Variants in EPHB1 observed in about 807,000 individuals in gnomAD.
The protein encoded by EPHB1 is EPH receptor B1.
Under a neutral mutation model 94.4 loss-of-function variants are expected in EPHB1, and 30 were observed. The observed-to-expected ratio is 0.32, with a 90% CI of 0.24 to 0.43. The LOEUF is 0.43. Among genes scored for constraint, EPHB1 ranks in the 20% least tolerant of loss-of-function variants. The pLI, the probability that EPHB1 is intolerant of heterozygous loss-of-function variation, is 1.00. For missense variants in EPHB1, 1,055 were observed against 1,308.3 expected, an observed-to-expected ratio of 0.81 and a Z score of 2.99; for synonymous variants, 522 against 489.1, an observed-to-expected ratio of 1.07 and a Z score of -0.89.
At chr3:135,141,247 G>T (rs966215988) in intron 5 of EPHB1, among the ~76,000 whole-genome samples, 3 of 150,370 alleles carry the variant, frequency 2.0e-5, no homozygotes, top group African/African-American at 7.3e-5. Context: ...CCCTAAGAGC[G>T]CATCTGCCCT....
At chr3:135,017,992 C>G (rs912193587) in intron 3 of EPHB1, among the ~76,000 whole-genome samples, 1 of 151,994 alleles carries the variant, frequency 6.6e-6, no homozygotes, top group Admixed American at 6.6e-5. Context: ...TGCACCATGC[C>G]TGGACTGTGA....
chr3:134,863,101 C>A (rs1578148023), intron 1 of EPHB1, among the ~76,000 whole-genome samples: 1 of 152,204 alleles, frequency 6.6e-6, no homozygotes, highest in African/African-American at 2.4e-5. Flanking sequence ...CTCTCATCTT[C>A]CCCCATGCCT....
chr3:134,890,162 A>G (rs1211829663), intron 1 of EPHB1, among the ~76,000 whole-genome samples: 1 of 152,126 alleles, frequency 6.6e-6, no homozygotes, highest in Non-Finnish European at 1.5e-5. Flanking sequence ...ACTGACTTTG[A>G]CGTTTTGTAT....
rs368399745 is a variant in EPHB1 at position 134,938,432 on chromosome 3, G to A, written c.123+12552G>A. ...CGTGCCCTGCTGGCCTTGCCCTCTA[G>A]TAGTGTGGCTGGACCTGAGCTAACC... is the stretch of plus-strand genomic sequence containing the variant. On this transcript the variant is annotated intron_variant, in intron 2 of 15. Transcript: ENST00000398015. Among the ~76,000 whole-genome samples, 14 of 152,350 alleles carry A rather than the reference G, an allele frequency of 9.2e-5. No homozygotes were observed. In the East Asian group the frequency reaches 1.7e-3, roughly 19 times the overall value.
chr3:135,038,079 C>T (rs184051789), intron 3 of EPHB1, among the ~76,000 whole-genome samples: 1 of 152,338 alleles, frequency 6.6e-6, no homozygotes, highest in Admixed American at 6.5e-5. Context: ...ACTATCCTCA[C>T]CAGAGTAAGG....
chr3:134,942,448 T>C (rs939928800), intron 2 of EPHB1, among the ~76,000 whole-genome samples: 2 of 152,152 alleles, frequency 1.3e-5, no homozygotes, highest in Non-Finnish European at 2.9e-5. Flanking sequence ...CCTCCTATGA[T>C]GAGGAGCAAA....
intron 3 of EPHB1, among the ~76,000 whole-genome samples, chr3:134,960,924 GCACAC>G (rs68105220): frequency 0.49 from 73,876 of 151,820 alleles, 18,661 homozygotes; most frequent in African/African-American, 0.6. Flanking sequence ...CTCTACATCA[GCACAC>G]CACACATTCC....
chr3:135,259,214 G>T lies in EPHB1; in HGVS notation c.*94G>T. ...ACTGTGGAATGTACTGGAGAGACTG[G>T]CTTCTCAGCTGAGGAATGCATTTCC... On this transcript the variant is annotated 3_prime_UTR_variant, in exon 16 of 16. Coordinates refer to ENST00000398015, the MANE Select transcript of EPHB1 (RefSeq NM_004441.5). 1.1e-6 allele frequency: 1 copy of T among 944,404 alleles called. No homozygotes were observed. Among genetic ancestry groups the T allele is most frequent in the Non-Finnish European group, 1.6e-6 (1 of 621,152 alleles). The allele number at this position is 944,404 out of a possible 1,614,324, so 58.5% of individuals were successfully genotyped here. A position where few individuals can be genotyped will look rare whatever the true frequency, so the allele number is the denominator to read the frequency against.
intron 1 of EPHB1, among the ~76,000 whole-genome samples, chr3:134,909,500 C>T (rs539280996): frequency 3.3e-5 from 5 of 152,292 alleles, no homozygotes; most frequent in Non-Finnish European, 7.3e-5. Flanking sequence ...GCGAGCCAGG[C>T]CCAGACTTAG....
Position 135,134,246 on chromosome 3 carries a change from A to T in EPHB1, c.1297+1197A>T, listed in dbSNP as rs867079204. ...CTTGTTAGTAGAATAGCAGGAGCCA[A>T]GCATCTATCTCTGCTCTCTCTTCCT... On this transcript the variant is annotated intron_variant, in intron 5 of 15. Coordinates refer to ENST00000398015, the MANE Select transcript of EPHB1 (RefSeq NM_004441.5). Among the ~76,000 whole-genome samples, 112 of 152,344 alleles carry T rather than the reference A, an allele frequency of 7.4e-4. 1 individual carries two copies. The highest frequency in any genetic ancestry group is 2.6e-3 in the African/African-American group (109 of 41,576).
intron 1 of EPHB1, among the ~76,000 whole-genome samples, chr3:134,853,615 T>A (rs1018821896): frequency 2.0e-5 from 3 of 152,164 alleles, no homozygotes; most frequent in Non-Finnish European, 4.4e-5. Flanking sequence ...GAGAAGGAGA[T>A]TGGATATATG....
chr3:135,210,231 C>G (rs144141112), intron 12 of EPHB1, among the ~76,000 whole-genome samples: 2 of 152,096 alleles, frequency 1.3e-5, no homozygotes, highest in Non-Finnish European at 2.9e-5. Flanking sequence ...TAGTCTGGAC[C>G]TTTTCATTGT....
intron 2 of EPHB1, among the ~76,000 whole-genome samples, chr3:134,931,199 C>T (rs1490252288): frequency 6.6e-6 from 1 of 152,206 alleles, no homozygotes; most frequent in Non-Finnish European, 1.5e-5. Flanking sequence ...GCACATGGAG[C>T]CACTTCTCCT....
At chr3:134,954,708 C>G (rs184193539) in intron 3 of EPHB1, among the ~76,000 whole-genome samples, 103 of 152,320 alleles carry the variant, frequency 6.8e-4, no homozygotes, top group Non-Finnish European at 1.3e-3. Context: ...AGAATAATCT[C>G]TCCGCTTCTG....
chr3:134,828,804 T>C (rs961106158), intron 1 of EPHB1, among the ~76,000 whole-genome samples: 1 of 152,186 alleles, frequency 6.6e-6, no homozygotes, highest in African/African-American at 2.4e-5. Flanking sequence ...AATCAGGGCA[T>C]AGACACCTGG....
At chr3:134,971,793 G>C (rs1360788648) in intron 3 of EPHB1, among the ~76,000 whole-genome samples, 1 of 152,136 alleles carries the variant, frequency 6.6e-6, no homozygotes, top group Non-Finnish European at 1.5e-5. Flanking sequence ...GTCACATACT[G>C]TTTGTTCTCA....
Position 135,233,036 on chromosome 3 carries a change from T to C in EPHB1, c.2347-8112T>C, listed in dbSNP as rs1170189332. On this transcript the variant is annotated intron_variant, in intron 12 of 15. Transcript: ENST00000398015. ...TCAAGGTGAGATTCGGGTGGGGAGATAGCCAAATCATACCATTCCACTTCT... is the reference window on the plus strand; with the variant it reads ...TCAAGGTGAGATTCGGGTGGGGAGACAGCCAAATCATACCATTCCACTTCT... 2.6e-5 allele frequency among the ~76,000 whole-genome samples: 4 copies of C among 152,228 alleles called. No homozygotes were observed. In the East Asian group the frequency reaches 7.7e-4, roughly 29 times the overall value.
intron 7 of EPHB1, among the ~76,000 whole-genome samples, chr3:135,163,798 G>A (rs1941577418): frequency 6.6e-6 from 1 of 152,214 alleles, no homozygotes; most frequent in African/African-American, 2.4e-5. Context: ...GTTCTGGTAA[G>A]TGGCCAAATT....
chr3:134,877,546 A>C (rs1237244093), intron 1 of EPHB1, among the ~76,000 whole-genome samples: 1 of 152,168 alleles, frequency 6.6e-6, no homozygotes, highest in African/African-American at 2.4e-5. Flanking sequence ...AAAGACACTA[A>C]TTCCAGAAAC....
Sources: allele counts gnomAD v4.1 joint callset (sites outside exome capture counted in the v4.1 genomes callset), GRCh38; gene constraint gnomAD v4.1.1; transcripts MANE v1.5; gene names NCBI Gene and HGNC (gene_info 2026-07-23, HGNC 2026-07-21).